Variants in SLC18A2 observed in about 807,000 individuals in gnomAD.
SLC18A2 encodes synaptic vesicular amine transporter.
In SLC18A2, 33 loss-of-function variants were observed where a neutral mutation model predicts 59.2. That is an observed-to-expected ratio of 0.56 (90% CI 0.42 to 0.75). The LOEUF is 0.75. Among genes scored for constraint, SLC18A2 ranks in the 30% least tolerant of loss-of-function variants. The probability of loss-of-function intolerance (pLI) is 0.00; values close to 1 mark genes in which losing one functional copy is unlikely to be tolerated. For missense variants in SLC18A2, 569 were observed against 668.6 expected, an observed-to-expected ratio of 0.85 and a Z score of 1.64; for synonymous variants, 228 against 253.5, an observed-to-expected ratio of 0.90 and a Z score of 0.95.
chr10:117,251,871 C>G (rs1372425685), intron 3 of SLC18A2, among the ~76,000 whole-genome samples: 1 of 151,656 alleles, frequency 6.6e-6, no homozygotes, highest in East Asian at 1.9e-4. Flanking sequence ...GAAATAGGGC[C>G]CTTATTAAAT....
At position 117,244,071 on chromosome 10, in the gene SLC18A2, C is replaced by T; in HGVS notation, c.222C>T (p.Ser74=). 1 of 1,614,212 alleles carries T rather than the reference C, an allele frequency of 6.2e-7. No individual in the cohort carries two copies. Among genetic ancestry groups the T allele is most frequent in the Non-Finnish European group, 8.5e-7 (1 of 1,180,040 alleles). The change falls in exon 3 of 16, where the codon AGC becomes AGT. Residue 74 remains serine, a synonymous_variant. Transcript: ENST00000644641. ...TGCACACTGCCTCCATCTCAGACAGCTTCCAGAGCATCTTCTCCTATTATG... is the reference window on the plus strand; with the variant it reads ...TGCACACTGCCTCCATCTCAGACAGTTTCCAGAGCATCTTCTCCTATTATG... ...RPVHTASISD[S]FQSIFSYYDN...
chr10:117,255,345 G>T lies in SLC18A2; in HGVS notation c.769G>T (p.Ala257Ser). 2 of 1,614,260 alleles carry T rather than the reference G, an allele frequency of 1.2e-6. No homozygotes were observed. The highest frequency in any genetic ancestry group is 1.7e-6 in the Non-Finnish European group (2 of 1,180,046). The change falls in exon 7 of 16, where the codon GCC becomes TCC. Residue 257 changes from alanine (A) to serine (S), a missense_variant. By Grantham distance (99) the Ala-to-Ser change is moderately conservative. This residue lies in a region of SLC18A2 where 377 missense variants were observed against 389.8 expected (regional missense o/e 0.97). Transcript: ENST00000644641. Reference protein sequence around the residue: ...GKTAPFLVLAALVLLDGAIQL... With the variant: ...GKTAPFLVLASLVLLDGAIQL... Reference sequence around the variant, plus strand: ...GACGGCTCCGTTCCTGGTGCTGGCCGCCCTGGTACTCTTGGATGGAGGTGA... The same window carrying T: ...GACGGCTCCGTTCCTGGTGCTGGCCTCCCTGGTACTCTTGGATGGAGGTGA...
At chr10:117,250,201 GA>G (rs1233013769) in intron 3 of SLC18A2, among the ~76,000 whole-genome samples, 2 of 152,202 alleles carry the variant, frequency 1.3e-5, no homozygotes, top group Admixed American at 1.3e-4. Flanking sequence ...GAGCTCTGGG[GA>G]AAAATGATGC....
chr10:117,253,526 G>A (rs1215955843), intron 4 of SLC18A2, 69 bp downstream of exon 4: 7 of 535,232 alleles, frequency 1.3e-5, no homozygotes, highest in Non-Finnish European at 2.2e-5. Context: ...CATGAGCCGG[G>A]AATTAACAAT....
intron 15 of SLC18A2, among the ~76,000 whole-genome samples, chr10:117,273,838 A>C (rs2133747554): frequency 6.6e-6 from 1 of 152,240 alleles, no homozygotes; most frequent in South Asian, 2.1e-4. Flanking sequence ...CATTTGGTCC[A>C]CCATGTTGGT....
intron 10 of SLC18A2, among the ~76,000 whole-genome samples, chr10:117,263,444 T>A (rs1844316325): frequency 6.6e-6 from 1 of 152,188 alleles, no homozygotes; most frequent in Admixed American, 6.5e-5. Flanking sequence ...CAAACAATCT[T>A]ATTAGCTGCA....
chr10:117,267,296 T>C (rs1844359205), intron 12 of SLC18A2: 2 of 507,036 alleles, frequency 3.9e-6, no homozygotes, highest in Non-Finnish European at 6.9e-6. Flanking sequence ...AGCTTGACAG[T>C]GTCTTAAACA....
intron 3 of SLC18A2, 90 bp from the exon 4 acceptor site, chr10:117,253,309 A>G (rs1016896391): frequency 1.1e-6 from 1 of 914,740 alleles, no homozygotes; most frequent in African/African-American, 1.6e-5. Context: ...TATCTGTCTG[A>G]TCCCAAAGGG....
At chr10:117,243,758 G>T (rs138751611) in intron 2 of SLC18A2, among the ~76,000 whole-genome samples, 152 of 152,200 alleles carry the variant, frequency 1.0e-3, no homozygotes, top group African/African-American at 3.3e-3. Flanking sequence ...GCTAATTTTT[G>T]TATTTTTAGT....
intron 3 of SLC18A2, among the ~76,000 whole-genome samples, chr10:117,250,710 C>T (rs576341423): frequency 5.3e-5 from 8 of 152,270 alleles, no homozygotes; most frequent in South Asian, 2.1e-4. Flanking sequence ...TTCACCTCCC[C>T]GAGCCTCAGT....
At chr10:117,243,094 G>A (rs1283623760) in intron 2 of SLC18A2, among the ~76,000 whole-genome samples, 1 of 151,332 alleles carries the variant, frequency 6.6e-6, no homozygotes, top group East Asian at 1.9e-4. Context: ...CAAGTTGTAG[G>A]AAAAATTACA....
chr10:117,242,532 C>T (rs557450920), intron 2 of SLC18A2, among the ~76,000 whole-genome samples: 75 of 152,020 alleles, frequency 4.9e-4, no homozygotes, highest in Non-Finnish European at 9.3e-4. Flanking sequence ...TCTCCATTTG[C>T]AGGTTTTCTC....
At chr10:117,255,547 T>TG (rs774146250) in intron 8 of SLC18A2, 25 bp downstream of exon 8, 2 of 1,613,880 alleles carry the variant, frequency 1.2e-6, no homozygotes, top group Non-Finnish European at 1.7e-6. Flanking sequence ...ATGAGGGCCC[T>TG]GGGGGAGGGG....
At chr10:117,267,103 T>C in intron 12 of SLC18A2, 68 bp downstream of exon 12, 2 of 1,191,424 alleles carry the variant, frequency 1.7e-6, no homozygotes, top group Non-Finnish European at 2.5e-6. Context: ...TGGGCAAGAA[T>C]CACCAAGAAA....
At chr10:117,247,993 A>G (rs1311149288) in intron 3 of SLC18A2, among the ~76,000 whole-genome samples, 1 of 152,144 alleles carries the variant, frequency 6.6e-6, no homozygotes, top group African/African-American at 2.4e-5. Flanking sequence ...TTATTTAGAC[A>G]GGGTCTTGCT....
intron 15 of SLC18A2, among the ~76,000 whole-genome samples, chr10:117,271,867 T>C (rs2244375): frequency 0.77 from 117,186 of 152,144 alleles, 45,785 homozygotes; most frequent in Non-Finnish European, 0.85. Flanking sequence ...ATGATAACAG[T>C]TTAAGGCTGA....
At chr10:117,266,309 G>A (rs1248502603) in intron 10 of SLC18A2, among the ~76,000 whole-genome samples, 2 of 152,042 alleles carry the variant, frequency 1.3e-5, no homozygotes, top group African/African-American at 2.4e-5. Flanking sequence ...TAATGGATGG[G>A]GTTTGGGGTA....
intron 3 of SLC18A2, 85 bp downstream of exon 3, chr10:117,244,398 T>A: frequency 3.2e-6 from 4 of 1,264,708 alleles, no homozygotes; most frequent in Non-Finnish European, 4.4e-6. Context: ...TTCTTACTCA[T>A]TGGTGAGAGT....
intron 15 of SLC18A2, 95 bp downstream of exon 15, chr10:117,270,558 C>T: frequency 7.1e-7 from 1 of 1,411,440 alleles, no homozygotes; most frequent in Non-Finnish European, 9.7e-7. Context: ...AGCCTTCAAA[C>T]ATAAATGGTG....
Sources: allele counts gnomAD v4.1 joint callset (sites outside exome capture counted in the v4.1 genomes callset), GRCh38; gene constraint gnomAD v4.1.1; regional missense constraint gnomAD v4.1.1; transcripts MANE v1.5; gene names NCBI Gene and HGNC (gene_info 2026-07-23, HGNC 2026-07-21).